Variants in MSRA observed in about 807,000 individuals in gnomAD.
MSRA encodes mitochondrial peptide methionine sulfoxide reductase.
In MSRA, 54 loss-of-function variants were observed where a neutral mutation model predicts 31.3. The ratio of observed to expected loss-of-function variants is 1.73; its 90% CI spans 1.39 to 2.17. The LOEUF is 2.17. Ranked by LOEUF, MSRA falls within the 30% of genes most tolerant of loss-of-function variation. The pLI is 0.00. For synonymous variants in MSRA, 169 were observed against 116.5 expected (o/e 1.45, Z -2.90); for missense variants, 507 against 300.9 (o/e 1.69, Z -5.07).
intron 1 of MSRA, among the ~76,000 whole-genome samples, chr8:10,083,241 T>TGTTAC (rs1798381309): frequency 1.3e-5 from 2 of 152,254 alleles, no homozygotes; most frequent in Admixed American, 6.5e-5. Flanking sequence ...ACAATCTAGT[T>TGTTAC]TTAACAAGTT....
chr8:10,303,150 C>T (rs547292682), intron 4 of MSRA, among the ~76,000 whole-genome samples: 1 of 152,198 alleles, frequency 6.6e-6, no homozygotes, highest in Non-Finnish European at 1.5e-5. Context: ...GAGGCCCAGG[C>T]AAGGCCTGAA....
chr8:10,089,497 G>A (rs117629381), intron 1 of MSRA, among the ~76,000 whole-genome samples: 2,381 of 152,312 alleles, frequency 0.016, 25 homozygotes, highest in Non-Finnish European at 0.021. Context: ...GTCTGATGTG[G>A]ATATAGAAAG....
At chr8:10,413,942 A>G (rs1808308852) in intron 5 of MSRA, among the ~76,000 whole-genome samples, 1 of 152,164 alleles carries the variant, frequency 6.6e-6, no homozygotes. Context: ...AGGCAGGAGG[A>G]TTGTTTGAGC....
At chr8:10,250,660 G>A (rs1013068810) in intron 3 of MSRA, 16 of 593,664 alleles carry the variant, frequency 2.7e-5, no homozygotes, top group South Asian at 4.2e-5. Flanking sequence ...TGTGGGAAGA[G>A]CGGAGTGTGG....
chr8:10,268,465 C>A (rs1363549867), intron 3 of MSRA, among the ~76,000 whole-genome samples: 1 of 152,166 alleles, frequency 6.6e-6, no homozygotes. Context: ...TAGGGTGGGG[C>A]ATTCATTACA....
chr8:10,362,802 G>A (rs556732128), intron 5 of MSRA, among the ~76,000 whole-genome samples: 6 of 151,974 alleles, frequency 3.9e-5, no homozygotes, highest in African/African-American at 9.6e-5. Context: ...CCTCTTTGTC[G>A]GTTTTCAAAC....
At chr8:10,348,998 G>C (rs557750275) in intron 5 of MSRA, among the ~76,000 whole-genome samples, 1 of 152,256 alleles carries the variant, frequency 6.6e-6, no homozygotes, top group South Asian at 2.1e-4. Flanking sequence ...AAAACATTCA[G>C]AGCATGCCAG....
intron 1 of MSRA, among the ~76,000 whole-genome samples, chr8:10,115,844 GAATT>G (rs546664664): frequency 6.6e-5 from 10 of 152,142 alleles, no homozygotes; most frequent in Admixed American, 1.3e-4. Flanking sequence ...ACTGTTTAAT[GAATT>G]AATTAATAAA....
chr8:10,361,241 T>C (rs1434559626), intron 5 of MSRA, among the ~76,000 whole-genome samples: 1 of 152,196 alleles, frequency 6.6e-6, no homozygotes, highest in Non-Finnish European at 1.5e-5. Context: ...ATGCAGTGTG[T>C]TGGGGAAGAT....
chr8:10,373,870 C>A (rs183716811), intron 5 of MSRA, among the ~76,000 whole-genome samples: 6 of 152,264 alleles, frequency 3.9e-5, no homozygotes, highest in Admixed American at 3.9e-4. Context: ...GTGAGAAGTG[C>A]GGTGTCTGTA....
rs934100448 is a variant in MSRA, at chr8:10,217,647, C to T, written c.211+9746C>T. ...ATGTGCCTTGTCTACATCCCCACTC[C>T]CTCCCCCTCTTCTATCCTAGCATAT... is the stretch of plus-strand genomic sequence containing the variant. On this transcript the variant is annotated intron_variant, in intron 2 of 5. Coordinates refer to ENST00000317173, the MANE Select transcript of MSRA (RefSeq NM_012331.5). Among the ~76,000 whole-genome samples the T allele has an allele frequency of 3.3e-5, 5 of 152,108 alleles. No individual in the cohort carries two copies. The East Asian group carries it at 7.7e-4, about 23-fold the overall frequency.
In MSRA at chr8:10,245,113, G is replaced by A. The variant is rs1797549768; in HGVS notation, c.221G>A (p.Cys74Tyr). ...TTTTTTCTTTTTTAAGGAATGGGAT[G>A]TTTCTGGGGAGCTGAAAGGAAATTC... ...GTQMAVFGMG[C>Y]FWGAERKFWV... The change falls in exon 3 of 6, where the codon TGT becomes TAT. Residue 74 changes from cysteine to tyrosine, a missense_variant. Coordinates refer to ENST00000317173, the MANE Select transcript of MSRA (RefSeq NM_012331.5). The A allele has an allele frequency of 6.2e-7, 1 of 1,611,666 alleles. No individual in the cohort carries two copies. Among genetic ancestry groups the A allele is most frequent in the Non-Finnish European group, 8.5e-7 (1 of 1,179,270 alleles).
chr8:10,192,289 A>C (rs1399252930), intron 1 of MSRA, among the ~76,000 whole-genome samples: 1 of 152,186 alleles, frequency 6.6e-6, no homozygotes, highest in East Asian at 1.9e-4. Context: ...AGAGTATCAG[A>C]ATTTGTGGCT....
At chr8:10,071,412 G>C (rs1224690157) in intron 1 of MSRA, among the ~76,000 whole-genome samples, 1 of 149,120 alleles carries the variant, frequency 6.7e-6, no homozygotes, top group Non-Finnish European at 1.5e-5. Context: ...TTAGATATGT[G>C]GTTTGTAAAT....
intron 5 of MSRA, among the ~76,000 whole-genome samples, chr8:10,386,182 A>G (rs1046262716): frequency 1.3e-5 from 2 of 152,192 alleles, no homozygotes; most frequent in Non-Finnish European, 2.9e-5. Flanking sequence ...TGAGATATGT[A>G]TTCCAGTTTA....
At chr8:10,187,977 T>C (rs1010684137) in intron 1 of MSRA, among the ~76,000 whole-genome samples, 1 of 152,234 alleles carries the variant, frequency 6.6e-6, no homozygotes, top group Non-Finnish European at 1.5e-5. Context: ...CAATTTGCTT[T>C]ACAGACTTTG....
chr8:10,400,147 A>G (rs1427936325), intron 5 of MSRA, among the ~76,000 whole-genome samples: 1 of 152,098 alleles, frequency 6.6e-6, no homozygotes, highest in East Asian at 1.9e-4. Flanking sequence ...TCTAAGCTGC[A>G]GAGACAAAGT....
intron 1 of MSRA, among the ~76,000 whole-genome samples, chr8:10,063,566 T>G (rs1466934192): frequency 6.6e-6 from 1 of 151,952 alleles, no homozygotes; most frequent in Non-Finnish European, 1.5e-5. Context: ...CCCCCCCAGG[T>G]GATGGGGGAT....
chr8:10,239,796 G>C (rs1268287097), intron 2 of MSRA, among the ~76,000 whole-genome samples: 3 of 152,192 alleles, frequency 2.0e-5, no homozygotes, highest in African/African-American at 2.4e-5. Context: ...AGTCAATCCT[G>C]TTTCTCTCCT....
Sources: allele counts gnomAD v4.1 joint callset (sites outside exome capture counted in the v4.1 genomes callset), GRCh38; gene constraint gnomAD v4.1.1; transcripts MANE v1.5; gene names NCBI Gene and HGNC (gene_info 2026-07-23, HGNC 2026-07-21).